Variants in KLHL14 observed in about 807,000 individuals in gnomAD.
The protein encoded by KLHL14 is kelch-like protein 14.
In KLHL14, 22 loss-of-function variants were observed where a neutral mutation model predicts 64.3. The observed-to-expected ratio is 0.34, with a 90% CI of 0.24 to 0.49. KLHL14 has a LOEUF of 0.49. Ranked by LOEUF, KLHL14 falls within the 20% of genes least tolerant of loss-of-function variation. KLHL14 has a pLI of 0.99. For missense variants in KLHL14, 661 were observed against 789.0 expected, an observed-to-expected ratio of 0.84 and a Z score of 1.94; for synonymous variants, 322 against 333.4, an observed-to-expected ratio of 0.97 and a Z score of 0.37.
In KLHL14 at chr18:32,751,867, C is replaced by G. The variant is rs546418335; in HGVS notation, c.948-9818G>C. On this transcript the variant is annotated intron_variant, in intron 2 of 8. Coordinates refer to ENST00000359358, the MANE Select transcript of KLHL14 (RefSeq NM_020805.3). ...TAGAGTCCAACGTAGTGTCTCATGC[C>G]TGTAATCCCAGCCCTTTGGAAGGCC... Among the ~76,000 whole-genome samples the G allele has an allele frequency of 2.0e-5, 3 of 152,318 alleles. No individual in the cohort carries two copies. In the East Asian group the frequency reaches 5.8e-4, roughly 29 times the overall value.
Position 32,770,966 on chromosome 18 carries a change from C to A in KLHL14, c.-43-332G>T. 2.3e-6 allele frequency: 1 copy of A among 438,630 alleles called. No homozygotes were observed. The highest frequency in any genetic ancestry group is 1.7e-5 in the South Asian group (1 of 60,300). The allele number at this position is 438,630 out of a possible 1,614,324, so 27.2% of individuals were successfully genotyped here. Reference sequence around the variant, plus strand: ...CGGCTGTTGGCAGCAACAGCAGTGGCAGCAGCGACGGCAAAGTGGCGGCTG... The same window carrying A: ...CGGCTGTTGGCAGCAACAGCAGTGGAAGCAGCGACGGCAAAGTGGCGGCTG... On this transcript the variant is annotated intron_variant, in intron 1 of 8. Coordinates refer to ENST00000359358, the MANE Select transcript of KLHL14 (RefSeq NM_020805.3). The surrounding 1 kb of genome is among the most constrained non-coding windows in gnomAD (Gnocchi z 6.7).
intron 4 of KLHL14, 141 bp from the exon 5 acceptor site, chr18:32,687,374 C>G: frequency 1.5e-6 from 1 of 645,210 alleles, no homozygotes; most frequent in Non-Finnish European, 2.8e-6. Context: ...ACAGCACGGG[C>G]GATGAGTCAA....
In KLHL14 at chr18:32,745,892, TAAGAG is replaced by T. The variant is rs369433250; in HGVS notation, c.948-3848_948-3844del. 6.6e-3 allele frequency among the ~76,000 whole-genome samples: 1,012 copies of T among 152,338 alleles called. 4 individuals carry two copies. The highest frequency in any genetic ancestry group is 0.01 in the Middle Eastern group (3 of 294). On this transcript the variant is annotated intron_variant, in intron 2 of 8. Transcript: ENST00000359358. Reference sequence around the variant, plus strand: ...TACCTGTGAACTAGAAAAGTAAAATTAAGAGAAGCTGAACTAACTGTGCTGAAGGG... The same window carrying T: ...TACCTGTGAACTAGAAAAGTAAAATTAAGCTGAACTAACTGTGCTGAAGGG...
intron 3 of KLHL14, among the ~76,000 whole-genome samples, chr18:32,696,385 C>T (rs1400558872): frequency 6.6e-6 from 1 of 152,184 alleles, no homozygotes; most frequent in Non-Finnish European, 1.5e-5. Context: ...GCTCCTGTCT[C>T]CTTTTGTGCT....
intron 3 of KLHL14, among the ~76,000 whole-genome samples, chr18:32,700,039 T>C (rs1035820193): frequency 6.6e-6 from 1 of 152,044 alleles, no homozygotes; most frequent in East Asian, 1.9e-4. Flanking sequence ...GGGGTCTTGT[T>C]TGTATTCATG....
chr18:32,677,346 A>C lies in KLHL14; in HGVS notation c.1589-16T>G, dbSNP rs758795213. The C allele has an allele frequency of 4.4e-6, 7 of 1,598,120 alleles. No individual in the cohort carries two copies. The highest frequency in any genetic ancestry group is 6.0e-6 in the Non-Finnish European group (7 of 1,170,798). On this transcript the variant is annotated splice_polypyrimidine_tract_variant and intron_variant, in intron 7 of 8. Coordinates refer to ENST00000359358, the MANE Select transcript of KLHL14 (RefSeq NM_020805.3). ...TGGGAGAAACCTAAGTGACAGAACAAAGTGGAACAACAAAATGATAAATGC... is the reference window on the plus strand; with the variant it reads ...TGGGAGAAACCTAAGTGACAGAACACAGTGGAACAACAAAATGATAAATGC...
intron 7 of KLHL14, among the ~76,000 whole-genome samples, chr18:32,679,588 G>A (rs1598544806): frequency 1.3e-5 from 2 of 151,990 alleles, no homozygotes; most frequent in East Asian, 3.9e-4. Flanking sequence ...TACATATCTA[G>A]GGAAGGAAAG....
intron 2 of KLHL14, 47 bp downstream of exon 2, chr18:32,769,598 C>CT: frequency 4.7e-6 from 3 of 636,864 alleles, no homozygotes; most frequent in South Asian, 2.5e-5. Context: ...TCCGGCCTCT[C>CT]TGGCTCTACC....
chr18:32,772,271 T>C, intron 1 of KLHL14: 1 of 390,432 alleles, frequency 2.6e-6, no homozygotes, highest in South Asian at 1.8e-5. Context: ...TCGACTCACT[T>C]TACCATCCCG....
chr18:32,692,305 A>G (rs572979059), intron 4 of KLHL14, among the ~76,000 whole-genome samples: 16 of 152,288 alleles, frequency 1.1e-4, no homozygotes, highest in South Asian at 1.0e-3. Context: ...GCAATTTTGT[A>G]CTTCAAGGGC....
chr18:32,693,377 T>TAC (rs869067364), intron 4 of KLHL14, among the ~76,000 whole-genome samples: 1,999 of 96,354 alleles, frequency 0.021, 27 homozygotes, highest in East Asian at 0.029. Context: ...AAAGGGATCT[T>TAC]ACACACACAC....
At chr18:32,694,265 T>C (rs1385998344) in intron 4 of KLHL14, among the ~76,000 whole-genome samples, 1 of 152,246 alleles carries the variant, frequency 6.6e-6, no homozygotes, top group Non-Finnish European at 1.5e-5. Flanking sequence ...CACTATGTGT[T>C]TGCTTACAAA....
chr18:32,693,270 C>A (rs1277765272), intron 4 of KLHL14, among the ~76,000 whole-genome samples: 1 of 151,948 alleles, frequency 6.6e-6, no homozygotes, highest in Non-Finnish European at 1.5e-5. Flanking sequence ...CATGGTCCAG[C>A]CTCCTTTGCC....
Position 32,770,821 on chromosome 18 carries a change from C to T in KLHL14, c.-43-187G>A, listed in dbSNP as rs112071499. ...GAGGAAAGTCCGAAGACGCTGGATC[C>T]GTGAGCGCCACCAGAAGGGCCCTGT... On this transcript the variant is annotated intron_variant, in intron 1 of 8. Coordinates refer to ENST00000359358, the MANE Select transcript of KLHL14 (RefSeq NM_020805.3). This position sits in a 1 kb window ranked among gnomAD's most constrained non-coding sequence, Gnocchi z 6.7. 1 of 495,800 alleles carries T rather than the reference C, an allele frequency of 2.0e-6. No homozygotes were observed. Among genetic ancestry groups the T allele is most frequent in the Non-Finnish European group, 3.6e-6 (1 of 281,120 alleles). 30.7% of individuals were successfully genotyped at this position (495,800 alleles called of 1,614,324 possible).
chr18:32,720,239 T>C (rs1368133055), intron 3 of KLHL14, among the ~76,000 whole-genome samples: 2 of 152,166 alleles, frequency 1.3e-5, no homozygotes, highest in Admixed American at 6.6e-5. Flanking sequence ...TTTCATCTTG[T>C]ACATTCTGAA....
intron 3 of KLHL14, among the ~76,000 whole-genome samples, chr18:32,696,701 T>G (rs2049938394): frequency 6.6e-6 from 1 of 152,200 alleles, no homozygotes; most frequent in Admixed American, 6.5e-5. Flanking sequence ...AGAGAGAAAG[T>G]GAGGAGACCT....
At chr18:32,714,286 CTA>C (rs1353800068) in intron 3 of KLHL14, among the ~76,000 whole-genome samples, 2 of 152,144 alleles carry the variant, frequency 1.3e-5, no homozygotes, top group South Asian at 4.1e-4. Context: ...CCATGGCTCT[CTA>C]TGAGTTTATA....
chr18:32,722,893 T>C (rs1189125898), intron 3 of KLHL14, among the ~76,000 whole-genome samples: 1 of 152,110 alleles, frequency 6.6e-6, no homozygotes, highest in African/African-American at 2.4e-5. Flanking sequence ...AGTTGGAGGC[T>C]ATAGGGAGCC....
At chr18:32,688,884 G>C (rs923406512) in intron 4 of KLHL14, among the ~76,000 whole-genome samples, 1 of 152,194 alleles carries the variant, frequency 6.6e-6, no homozygotes, top group Non-Finnish European at 1.5e-5. Flanking sequence ...ATCAAGGTAA[G>C]AGCTGTGGTG....
Sources: gnomAD v4.1 joint callset for allele counts (sites outside exome capture counted in the v4.1 genomes callset) on GRCh38, gnomAD v4.1.1 for gene constraint, Gnocchi (gnomAD v3.1) non-coding constraint, MANE v1.5 for transcripts, NCBI Gene and HGNC (gene_info 2026-07-23, HGNC 2026-07-21) for gene names.